The following RANBP1 variants were observed in gnomAD, a reference collection of about 807,000 sequenced individuals.
RANBP1 encodes the protein ran-specific GTPase-activating protein.
A neutral mutation model predicts 31.4 loss-of-function variants in RANBP1; 16 were observed. The ratio of observed to expected loss-of-function variants is 0.51; its 90% confidence interval spans 0.34 to 0.77. The LOEUF is 0.77. Ranked by LOEUF, RANBP1 falls within the 30% of genes least tolerant of loss-of-function variation. The pLI is 0.01. For missense variants in RANBP1, 265 were observed against 362.0 expected (o/e 0.73, Z 2.17); for synonymous variants, 129 against 140.5 (o/e 0.92, Z 0.58).
chr22:20,123,122 G>A (rs1336266891), intron 3 of RANBP1, among the ~76,000 whole-genome samples: 1 of 122,304 alleles, frequency 8.2e-6, no homozygotes, highest in Non-Finnish European at 1.7e-5. Flanking sequence ...TGTAGTGTCT[G>A]AAGGTGTGTG....
chr22:20,116,726 G>C (rs1451253918), intron 1 of RANBP1: 2 of 1,419,528 alleles, frequency 1.4e-6, no homozygotes, highest in Admixed American at 2.2e-5. Flanking sequence ...ACTCAGCCCT[G>C]CCCCTCCCCC....
At position 20,122,458 on chromosome 22, in the gene RANBP1, C is replaced by T; in HGVS notation, c.541+37C>T. 3 of 1,611,164 alleles carry T rather than the reference C, an allele frequency of 1.9e-6. No homozygotes were observed. In the East Asian group the frequency reaches 6.7e-5, roughly 36 times the overall value. On this transcript the variant is annotated intron_variant, in intron 3 of 5. Transcript: ENST00000430524. The stretch of plus-strand genomic sequence containing the variant: ...GAACGACCACCTCGACAGTCCCCAG[C>T]AGCTTGGCCTGGGACCTTTGGGAAG...
At chr22:20,122,211 C>T in intron 2 of RANBP1, 53 bp from the exon 3 acceptor site, 2 of 1,585,396 alleles carry the variant, frequency 1.3e-6, no homozygotes, top group Non-Finnish European at 1.7e-6. Flanking sequence ...CCTGCGCAGG[C>T]CCTGCATGTG....
rs2050008041 is a variant in RANBP1 at position 20,116,118 on chromosome 22, G to A, written c.-67G>A. 4.3e-6 allele frequency: 7 copies of A among 1,612,402 alleles called. No individual in the cohort carries two copies. The highest frequency in any genetic ancestry group is 1.7e-5 in the Admixed American group (1 of 59,954). On this transcript the variant is annotated 5_prime_UTR_variant, in exon 1 of 6. Transcript: ENST00000430524. Reference sequence around the variant, plus strand: ...CAGCATAGGGCACTGTCCATAGAGGGGTCACCACGTCGGCCACTCGTGTTA... The same window carrying A: ...CAGCATAGGGCACTGTCCATAGAGGAGTCACCACGTCGGCCACTCGTGTTA...
At chr22:20,116,722 C>T (rs975860971) in intron 1 of RANBP1, 8 of 1,419,958 alleles carry the variant, frequency 5.6e-6, no homozygotes, top group Non-Finnish European at 7.6e-6. Context: ...CTGCACTCAG[C>T]CCTGCCCCTC....
chr22:20,121,718 T>C (rs538253023), intron 2 of RANBP1, among the ~76,000 whole-genome samples: 32 of 152,220 alleles, frequency 2.1e-4, no homozygotes, highest in African/African-American at 7.7e-4. Flanking sequence ...CTAATTTTTA[T>C]CTTTTTGTAG....
intron 1 of RANBP1, chr22:20,117,707 CG>C: frequency 1.9e-6 from 2 of 1,068,588 alleles, no homozygotes; most frequent in Non-Finnish European, 2.3e-6. Flanking sequence ...CGGGCGGGGC[CG>C]GGGCCGTTAT....
chr22:20,127,120 C>G lies in RANBP1; in HGVS notation c.*68C>G. ...TTTTAAAAAATTTTACCCTGCCCCT[C>G]TTTTTCGGTTTGTTTTTATTCTTTC... On this transcript the variant is annotated 3_prime_UTR_variant, in exon 6 of 6. Transcript: ENST00000430524. The G allele has an allele frequency of 6.8e-6, 9 of 1,322,198 alleles. No homozygotes were observed. Among genetic ancestry groups the G allele is most frequent in the Non-Finnish European group, 9.2e-6 (9 of 973,110 alleles). 81.9% of individuals were successfully genotyped at this position (1,322,198 alleles called of 1,614,324 possible).
intron 4 of RANBP1, 92 bp from the exon 5 acceptor site, chr22:20,126,211 G>A: frequency 7.0e-7 from 1 of 1,433,606 alleles, no homozygotes; most frequent in South Asian, 1.3e-5. Context: ...CATGAAATGG[G>A]TCTTCTGTGA....
chr22:20,119,842 C>T (rs766096190), intron 2 of RANBP1, among the ~76,000 whole-genome samples: 2 of 152,154 alleles, frequency 1.3e-5, no homozygotes, highest in Admixed American at 6.5e-5. Context: ...ATGATGCTTG[C>T]GATAACACAT....
At chr22:20,117,905 A>T (rs765834226) in intron 1 of RANBP1, 410 of 1,012,696 alleles carry the variant, frequency 4.0e-4, no homozygotes, top group Non-Finnish European at 4.5e-4. Flanking sequence ...CCCCCGCGTG[A>T]CCTTGGGGTG....
At position 20,125,305 on chromosome 22, in the gene RANBP1, C is replaced by T; in HGVS notation, c.542-3C>T. The T allele has an allele frequency of 1.2e-6, 2 of 1,611,576 alleles. No homozygotes were observed. The highest frequency in any genetic ancestry group is 1.7e-6 in the Non-Finnish European group (2 of 1,179,852). On this transcript the variant is annotated splice_polypyrimidine_tract_variant and splice_region_variant and intron_variant, in intron 3 of 5. Coordinates refer to ENST00000430524, the MANE Select transcript of RANBP1 (RefSeq NM_001278639.2). ...CCATCTTCACGAGCTTCTCTCTCTT[C>T]AGTCACGCCGATGATGGAGCTGAAG...
intron 2 of RANBP1, among the ~76,000 whole-genome samples, chr22:20,122,061 C>T (rs371438813): frequency 3.3e-5 from 5 of 149,544 alleles, no homozygotes; most frequent in South Asian, 2.1e-4. Flanking sequence ...GTTGTGGAAC[C>T]GGAATTCAAG....
At chr22:20,119,437 A>C (rs2050127260) in intron 2 of RANBP1, 1 of 399,112 alleles carries the variant, frequency 2.5e-6, no homozygotes, top group African/African-American at 2.0e-5. Flanking sequence ...CTGAGGATCC[A>C]GGGAGTCCCT....
Position 20,116,202 on chromosome 22 carries a change from C to T in RANBP1, c.18C>T (p.Gly6=). 6.2e-7 allele frequency: 1 copy of T among 1,613,050 alleles called. No homozygotes were observed. Residue 6 remains glycine (G), a synonymous_variant, in exon 1 of 6, where the codon GGC becomes GGT. Coordinates refer to ENST00000430524, the MANE Select transcript of RANBP1 (RefSeq NM_001278639.2). ...TCCTGGCCATGGGGTCGGCCTTGGG[C>T]CGGGCCAGGCGCACACTGAGTGGGC... MGSAL[G]RARRTLSGRP...
intron 1 of RANBP1, chr22:20,117,320 T>A: frequency 1.9e-6 from 2 of 1,065,452 alleles, no homozygotes; most frequent in Non-Finnish European, 1.2e-6. Flanking sequence ...GGGACGGAAG[T>A]GCGCGCGGGT....
chr22:20,117,594 G>C (rs1384526853), intron 1 of RANBP1: 4 of 1,400,212 alleles, frequency 2.9e-6, no homozygotes, highest in African/African-American at 1.5e-5. Context: ...GCCGCCGAGA[G>C]GCCGCGGAGC....
chr22:20,117,689 A>C, intron 1 of RANBP1: 2 of 49,448 alleles, frequency 4.0e-5, no homozygotes, highest in Non-Finnish European at 4.7e-5. Flanking sequence ...AAGCGGGGAC[A>C]GGGTGGGCGG....
chr22:20,117,680 A>AGCGGGGACAGGGTGGGCGG (rs2050068994), intron 1 of RANBP1: 2 of 315,236 alleles, frequency 6.3e-6, no homozygotes, highest in South Asian at 9.7e-5. Flanking sequence ...GCCGGGCCCA[A>AGCGGGGACAGGGTGGGCGG]GCGGGGACAG....
Sources: allele counts gnomAD v4.1 joint callset (sites outside exome capture counted in the v4.1 genomes callset), GRCh38; gene constraint gnomAD v4.1.1; transcripts MANE v1.5; gene names NCBI Gene and HGNC (gene_info 2026-07-23, HGNC 2026-07-21).